The following SHOC2 variants were observed in gnomAD, a reference collection of about 807,000 sequenced individuals.
The protein encoded by SHOC2 is SHOC2 leucine rich repeat scaffold protein.
SHOC2 carries 4 observed loss-of-function variants against 50.2 expected under a neutral mutation model. That is an observed-to-expected ratio of 0.08 (90% CI 0.04 to 0.18). The LOEUF is 0.18. Among genes scored for constraint, SHOC2 ranks in the 10% least tolerant of loss-of-function variants. The pLI is 1.00. For missense variants in SHOC2, 388 were observed against 669.6 expected (o/e 0.58, Z 4.64); for synonymous variants, 218 against 244.5 (o/e 0.89, Z 1.01).
intron 1 of SHOC2, among the ~76,000 whole-genome samples, chr10:110,921,908 A>G (rs1250453524): frequency 6.6e-6 from 1 of 152,044 alleles, no homozygotes; most frequent in Non-Finnish European, 1.5e-5. Context: ...AAATTTTCTC[A>G]TAAATTATTA....
rs549693975 is a variant in SHOC2, at chr10:110,964,196, T to A, written c.-163T>A. The A allele has an allele frequency of 4.6e-5, 48 of 1,039,432 alleles. 1 individual carries two copies. The highest frequency in any genetic ancestry group is 2.3e-4 in the Admixed American group (8 of 35,090). 64.4% of individuals were successfully genotyped at this position (1,039,432 alleles called of 1,614,324 possible). On this transcript the variant is annotated 5_prime_UTR_variant, in exon 2 of 9. Coordinates refer to ENST00000369452, the MANE Select transcript of SHOC2 (RefSeq NM_007373.4). The surrounding 1 kb of genome is among the most constrained non-coding windows in gnomAD (Gnocchi z 4.9). ...AATGAATGATCAGAAATGGGCATAG[T>A]GCTTTTAGATCCAACATGTAACAGA... is the stretch of plus-strand genomic sequence containing the variant.
chr10:110,985,962 G>C (rs1350445893), intron 3 of SHOC2, 197 bp downstream of exon 3: 1 of 552,058 alleles, frequency 1.8e-6, no homozygotes, highest in Non-Finnish European at 3.2e-6. Context: ...TAGGAAATGA[G>C]CCCAATGGGA....
At chr10:110,967,334 AC>A (rs34853311) in intron 2 of SHOC2, among the ~76,000 whole-genome samples, 1 of 151,962 alleles carries the variant, frequency 6.6e-6, no homozygotes, top group South Asian at 2.1e-4. Flanking sequence ...AATGGGTACC[AC>A]CCCCCATAGA....
In SHOC2 at chr10:110,920,589, G is replaced by T. The variant is rs184381364; in HGVS notation, c.-235+932G>T. Among the ~76,000 whole-genome samples, 16 of 152,122 alleles carry T rather than the reference G, an allele frequency of 1.1e-4. No homozygotes were observed. The East Asian group carries it at 3.1e-3, about 29-fold the overall frequency. On this transcript the variant is annotated intron_variant, in intron 1 of 8. Transcript: ENST00000369452. ...GCAGTTTGTGTTATTGTGGAATTAT[G>T]GATTTACAAACAGGTGGAATAAATA...
chr10:111,006,881 A>G (rs913684087), intron 5 of SHOC2, among the ~76,000 whole-genome samples: 2 of 152,226 alleles, frequency 1.3e-5, no homozygotes, highest in African/African-American at 2.4e-5. Flanking sequence ...TAAAAGTGGC[A>G]TACTTTTTTT....
chr10:110,926,703 A>G (rs1276396114), intron 1 of SHOC2, among the ~76,000 whole-genome samples: 1 of 152,208 alleles, frequency 6.6e-6, no homozygotes, highest in Middle Eastern at 3.2e-3. Context: ...AGGATCATGA[A>G]GAAGAGGTTA....
intron 1 of SHOC2, among the ~76,000 whole-genome samples, chr10:110,956,047 C>A (rs1564711375): frequency 6.6e-6 from 1 of 152,120 alleles, no homozygotes; most frequent in East Asian, 1.9e-4. Context: ...AAATATATGG[C>A]TATGTATGGG....
At chr10:110,988,500 A>G (rs1344620726) in intron 3 of SHOC2, among the ~76,000 whole-genome samples, 2 of 152,112 alleles carry the variant, frequency 1.3e-5, no homozygotes, top group Admixed American at 1.3e-4. Flanking sequence ...TGTTCATAAC[A>G]TTCTTATTAT....
Position 110,926,422 on chromosome 10 carries a change from T to C in SHOC2, c.-235+6765T>C, listed in dbSNP as rs372583030. ...TGTTTTTAAACACACATTTTCTGTT[T>C]TTAGAGTCCTTCAAGCCTTAATTCA... is the stretch of plus-strand genomic sequence containing the variant. On this transcript the variant is annotated intron_variant, in intron 1 of 8. Transcript: ENST00000369452. 1.1e-4 allele frequency among the ~76,000 whole-genome samples: 16 copies of C among 152,332 alleles called. No homozygotes were observed. The East Asian group carries it at 3.1e-3, about 29-fold the overall frequency.
At chr10:111,010,639 A>G (rs912181532) in intron 8 of SHOC2, among the ~76,000 whole-genome samples, 1 of 151,964 alleles carries the variant, frequency 6.6e-6, no homozygotes, top group African/African-American at 2.4e-5. Context: ...TATGTAACAA[A>G]CCTGCACGTT....
At chr10:110,946,843 T>A (rs1340059295) in intron 1 of SHOC2, among the ~76,000 whole-genome samples, 1 of 152,182 alleles carries the variant, frequency 6.6e-6, no homozygotes, top group Non-Finnish European at 1.5e-5. Flanking sequence ...TGGCATCAGA[T>A]TTTTTAAGCA....
rs376824527 is a variant in SHOC2 at position 110,974,991 on chromosome 10, C to A, written c.703+9930C>A. The stretch of plus-strand genomic sequence containing the variant: ...ACCATTTTGGAAGATTTCCATATAC[C>A]CTTCACTCAGCTTCTTGATATTAAT... On this transcript the variant is annotated intron_variant, in intron 2 of 8. Transcript: ENST00000369452. 3.2e-3 allele frequency among the ~76,000 whole-genome samples: 484 copies of A among 151,848 alleles called. 26 individuals carry two copies. The South Asian group carries it at 0.093, about 29-fold the overall frequency.
At chr10:110,936,584 T>G (rs1199487626) in intron 1 of SHOC2, 2 of 640,634 alleles carry the variant, frequency 3.1e-6, no homozygotes, top group African/African-American at 5.4e-5. Context: ...TGTCCTTTTC[T>G]TTTCCTTTTT....
intron 3 of SHOC2, among the ~76,000 whole-genome samples, chr10:110,997,767 G>A (rs1848295484): frequency 6.6e-6 from 1 of 152,024 alleles, no homozygotes; most frequent in South Asian, 2.1e-4. Flanking sequence ...TTATGGATAA[G>A]GAACAGACAC....
intron 1 of SHOC2, among the ~76,000 whole-genome samples, chr10:110,961,673 A>G (rs186857675): frequency 1.6e-4 from 24 of 152,270 alleles, no homozygotes; most frequent in Admixed American, 9.2e-4. Flanking sequence ...CAAATTCATC[A>G]CCACTGCAGT....
chr10:110,990,212 G>A (rs939376674), intron 3 of SHOC2, among the ~76,000 whole-genome samples: 15 of 152,272 alleles, frequency 9.9e-5, no homozygotes, highest in African/African-American at 3.4e-4. Flanking sequence ...ACTAGGTGAA[G>A]CCAGCTGGGC....
intron 2 of SHOC2, among the ~76,000 whole-genome samples, chr10:110,971,336 C>T (rs1007116640): frequency 6.6e-6 from 1 of 152,022 alleles, no homozygotes; most frequent in African/African-American, 2.4e-5. Context: ...ATATTGTTGG[C>T]TCCTTTATCA....
intron 2 of SHOC2, among the ~76,000 whole-genome samples, chr10:110,979,519 C>A (rs1847934677): frequency 6.6e-6 from 1 of 152,258 alleles, no homozygotes; most frequent in East Asian, 1.9e-4. Context: ...CAGTTCTCTT[C>A]TTTTAAGGGT....
At chr10:110,942,820 T>C (rs1352196045) in intron 1 of SHOC2, among the ~76,000 whole-genome samples, 1 of 152,234 alleles carries the variant, frequency 6.6e-6, no homozygotes, top group African/African-American at 2.4e-5. Flanking sequence ...ATAGTTTTTA[T>C]GGATATAGAA....
Sources: gnomAD v4.1 joint callset for allele counts (sites outside exome capture counted in the v4.1 genomes callset) on GRCh38, gnomAD v4.1.1 for gene constraint, Gnocchi (gnomAD v3.1) non-coding constraint, MANE v1.5 for transcripts, NCBI Gene and HGNC (gene_info 2026-07-23, HGNC 2026-07-21) for gene names.